Variants in FRMD3 observed in about 807,000 individuals in gnomAD.
FRMD3 encodes the protein FERM domain containing 3.
Under a neutral mutation model 70.2 loss-of-function variants are expected in FRMD3, and 33 were observed. The observed-to-expected ratio is 0.47, with a 90% CI of 0.36 to 0.63. The LOEUF (loss-of-function observed/expected upper bound fraction) is 0.63, where lower values mean the gene tolerates loss of function less well. FRMD3 is among the 20% of genes least tolerant of loss of function. The pLI, the probability that FRMD3 is intolerant of heterozygous loss-of-function variation, is 0.00. For synonymous variants in FRMD3, 279 were observed against 255.9 expected (o/e 1.09, Z -0.86); for missense variants, 632 against 711.4 (o/e 0.89, Z 1.27).
At chr9:83,378,164 A>G (rs1203572519) in intron 2 of FRMD3, among the ~76,000 whole-genome samples, 1 of 152,140 alleles carries the variant, frequency 6.6e-6, no homozygotes, top group African/African-American at 2.4e-5. Context: ...TGAAGGCTCA[A>G]TAAGCACTGG....
chr9:83,369,101 C>T (rs1014998566), intron 3 of FRMD3, among the ~76,000 whole-genome samples: 19 of 152,166 alleles, frequency 1.2e-4, no homozygotes, highest in Non-Finnish European at 2.6e-4. Flanking sequence ...AATGCACCCA[C>T]TTCGGCCACC....
In FRMD3 at chr9:83,245,229, A is replaced by C. The variant is rs1403258385; in HGVS notation, c.*2689T>G. 32 of 983,412 alleles carry C rather than the reference A, an allele frequency of 3.3e-5. No individual in the cohort carries two copies. Among genetic ancestry groups the C allele is most frequent in the Non-Finnish European group, 3.9e-5 (32 of 828,176 alleles). The allele number at this position is 983,412 out of a possible 1,614,324, so 60.9% of individuals were successfully genotyped here. A position where few individuals can be genotyped will look rare whatever the true frequency, so the allele number is the denominator to read the frequency against. On this transcript the variant is annotated 3_prime_UTR_variant, in exon 14 of 14. Coordinates refer to ENST00000304195, the MANE Select transcript of FRMD3 (RefSeq NM_174938.6). ...AACACACATATACCAATAATATGGA[A>C]TATACATATACTCACACACTTGCTT...
At chr9:83,270,914 C>A (rs553574761) in intron 13 of FRMD3, among the ~76,000 whole-genome samples, 2 of 149,938 alleles carry the variant, frequency 1.3e-5, no homozygotes, top group South Asian at 4.2e-4. Flanking sequence ...AGCCTGGATT[C>A]TCTTCCTTCT....
intron 1 of FRMD3, among the ~76,000 whole-genome samples, chr9:83,524,711 C>G (rs944240318): frequency 4.6e-5 from 7 of 152,200 alleles, no homozygotes; most frequent in African/African-American, 1.7e-4. Flanking sequence ...AATCCTATAA[C>G]ATCTCTGTTT....
In FRMD3 at chr9:83,379,644, G is replaced by A. The variant is rs563597600; in HGVS notation, c.253-6689C>T. Among the ~76,000 whole-genome samples the A allele has an allele frequency of 9.2e-5, 14 of 152,268 alleles. No individual in the cohort carries two copies. The East Asian group carries it at 2.7e-3, about 29-fold the overall frequency. ...TAGTATGATTTGAAGGTACCAGGAAGGCATCTGCAGCAGATACTGTCAAGC... is the reference window on the plus strand; with the variant it reads ...TAGTATGATTTGAAGGTACCAGGAAAGCATCTGCAGCAGATACTGTCAAGC... On this transcript the variant is annotated intron_variant, in intron 2 of 13. Coordinates refer to ENST00000304195, the MANE Select transcript of FRMD3 (RefSeq NM_174938.6).
chr9:83,391,929 T>C (rs192709827), intron 1 of FRMD3, among the ~76,000 whole-genome samples: 20 of 152,314 alleles, frequency 1.3e-4, no homozygotes, highest in African/African-American at 3.8e-4. Context: ...TCTCAGGCAC[T>C]GCTCTAGCCC....
chr9:83,283,545 AAAATAATAAT>A (rs869058645), intron 13 of FRMD3, among the ~76,000 whole-genome samples: 6,671 of 25,038 alleles, frequency 0.27, 154 homozygotes, highest in East Asian at 0.46. Flanking sequence ...AAAAAAAAAA[AAAATAATAAT>A]AATAATAATA....
chr9:83,549,681 T>C, the FRMD3 span, among the ~76,000 whole-genome samples: 7 of 152,220 alleles, frequency 4.6e-5, no homozygotes, highest in African/African-American at 1.7e-4. Context: ...GCTTTTGATT[T>C]GCATTTGTCA....
intron 1 of FRMD3, among the ~76,000 whole-genome samples, chr9:83,512,724 G>T (rs1441653637): frequency 2.6e-5 from 4 of 152,116 alleles, no homozygotes; most frequent in African/African-American, 7.2e-5. Flanking sequence ...ACTCTCTGGA[G>T]TCCCCTGGGT....
intron 3 of FRMD3, among the ~76,000 whole-genome samples, chr9:83,368,969 CTCAGCCTCCCGAGGAGCTG>C (rs1210956070): frequency 2.0e-5 from 3 of 152,118 alleles, no homozygotes; most frequent in African/African-American, 7.2e-5. Flanking sequence ...ATTCTCCTGC[CTCAGCCTCCCGAGGAGCTG>C]GGATTACAGG....
intron 1 of FRMD3, among the ~76,000 whole-genome samples, chr9:83,432,410 G>T (rs1265087156): frequency 2.0e-5 from 3 of 152,150 alleles, no homozygotes; most frequent in Non-Finnish European, 2.9e-5. Context: ...CTGCTGGGTG[G>T]CCCGGGAGGA....
the FRMD3 span, among the ~76,000 whole-genome samples, chr9:83,572,916 A>C: frequency 6.6e-6 from 1 of 152,226 alleles, no homozygotes; most frequent in Non-Finnish European, 1.5e-5. Context: ...TGAAGCAACA[A>C]TAATAATTGC....
At chr9:83,502,455 T>A (rs1829090156) in intron 1 of FRMD3, among the ~76,000 whole-genome samples, 1 of 152,138 alleles carries the variant, frequency 6.6e-6, no homozygotes, top group East Asian at 1.9e-4. Context: ...AAGAAATGAG[T>A]TATTTGGTAC....
chr9:83,284,214 G>T (rs34084424), intron 13 of FRMD3, among the ~76,000 whole-genome samples: 2 of 151,936 alleles, frequency 1.3e-5, no homozygotes, highest in African/African-American at 4.8e-5. Flanking sequence ...ACTGGGGTTG[G>T]TCATCACCAG....
At chr9:83,396,034 C>G (rs2131309403) in intron 1 of FRMD3, among the ~76,000 whole-genome samples, 1 of 152,196 alleles carries the variant, frequency 6.6e-6, no homozygotes, top group Non-Finnish European at 1.5e-5. Context: ...TCTTGACAAC[C>G]CATTGGGGTA....
At position 83,247,863 on chromosome 9, in the gene FRMD3, A is replaced by C; in HGVS notation, c.*55T>G. ...ACCCTTCAGAACCAGGCATTTGCTG[A>C]AAAAAAGAAATCACTAGCATTGAAT... On this transcript the variant is annotated 3_prime_UTR_variant, in exon 14 of 14. Transcript: ENST00000304195. 2 of 1,575,342 alleles carry C rather than the reference A, an allele frequency of 1.3e-6. No homozygotes were observed. Among genetic ancestry groups the C allele is most frequent in the South Asian group, 2.4e-5 (2 of 84,812 alleles).
At chr9:83,373,455 C>T (rs1417879744) in intron 2 of FRMD3, among the ~76,000 whole-genome samples, 3 of 152,178 alleles carry the variant, frequency 2.0e-5, no homozygotes, top group Non-Finnish European at 4.4e-5. Flanking sequence ...TCTTCCTTTA[C>T]AGTAGGGAGG....
intron 2 of FRMD3, among the ~76,000 whole-genome samples, chr9:83,378,776 T>A (rs1395282920): frequency 7.8e-6 from 1 of 128,440 alleles, no homozygotes; most frequent in Non-Finnish European, 1.6e-5. Context: ...TTATATATAA[T>A]ATATATTATA....
chr9:83,546,363 CA>C, the FRMD3 span, among the ~76,000 whole-genome samples: 1 of 151,852 alleles, frequency 6.6e-6, no homozygotes, highest in Admixed American at 6.6e-5. Context: ...TCTCAAAAAA[CA>C]AAACAAAACA....
Sources: gnomAD v4.1 joint callset for allele counts (sites outside exome capture counted in the v4.1 genomes callset) on GRCh38, gnomAD v4.1.1 for gene constraint, MANE v1.5 for transcripts, NCBI Gene and HGNC (gene_info 2026-07-23, HGNC 2026-07-21) for gene names.